Variants in USP15 observed in about 807,000 individuals in gnomAD.
The protein encoded by USP15 is ubiquitin carboxyl-terminal hydrolase 15.
Under a neutral mutation model 127.1 loss-of-function variants are expected in USP15, and 18 were observed. That is an observed-to-expected ratio of 0.14 (90% CI 0.10 to 0.21). The LOEUF is 0.21. Among genes scored for constraint, USP15 ranks in the 10% least tolerant of loss-of-function variants. The pLI is 1.00. For missense variants in USP15, 805 were observed against 1,159.9 expected (o/e 0.69, Z 4.44); for synonymous variants, 364 against 393.7 (o/e 0.92, Z 0.89).
intron 3 of USP15, among the ~76,000 whole-genome samples, chr12:62,309,032 T>A (rs2064573856): frequency 6.6e-6 from 1 of 152,130 alleles, no homozygotes; most frequent in African/African-American, 2.4e-5. Flanking sequence ...TGAAAATCTA[T>A]TGTCTCAACA....
intron 2 of USP15, among the ~76,000 whole-genome samples, chr12:62,299,349 G>T (rs1426259701): frequency 6.6e-6 from 1 of 152,138 alleles, no homozygotes; most frequent in African/African-American, 2.4e-5. Context: ...GACCTCAGGT[G>T]ATCCATCCGC....
intron 8 of USP15, among the ~76,000 whole-genome samples, chr12:62,359,167 A>C (rs1343491600): frequency 6.6e-6 from 1 of 151,582 alleles, no homozygotes. Context: ...TTTACTTTCC[A>C]CAATGGCCCC....
rs984417713 is a variant in USP15 at position 62,407,948 on chromosome 12, A to G, written c.*3573A>G. The G allele has an allele frequency of 1.3e-5, 2 of 152,150 alleles. No homozygotes were observed. Among genetic ancestry groups the G allele is most frequent in the African/African-American group, 4.8e-5 (2 of 41,414 alleles). The allele number at this position is 152,150 out of a possible 1,614,324, so 9.4% of individuals were successfully genotyped here. ...ATCTTGCTTTCTCATAATCTGTGTT[A>G]TTTTAGTAGTCCTGTATTTATCCTT... On this transcript the variant is annotated 3_prime_UTR_variant, in exon 22 of 22. Transcript: ENST00000280377.
At chr12:62,266,666 T>C (rs979895126) in intron 1 of USP15, among the ~76,000 whole-genome samples, 1 of 152,024 alleles carries the variant, frequency 6.6e-6, no homozygotes, top group Non-Finnish European at 1.5e-5. Context: ...AAGGGGAAGA[T>C]AGAGAACAAC....
intron 3 of USP15, among the ~76,000 whole-genome samples, chr12:62,307,292 A>G (rs1047226380): frequency 6.6e-6 from 1 of 152,228 alleles, no homozygotes; most frequent in Non-Finnish European, 1.5e-5. Context: ...AGGATGACTC[A>G]GAGAACAGAA....
Position 62,331,873 on chromosome 12 carries a change from A to G in USP15, c.683+5940A>G, listed in dbSNP as rs574464457. On this transcript the variant is annotated intron_variant, in intron 6 of 21. Coordinates refer to ENST00000280377, the MANE Select transcript of USP15 (RefSeq NM_001252078.2). ...AACCTACCCAAAAAATACTCACTCA[A>G]AAGTCTTCTGTTCAAGCACAGTGGC... 4.2e-4 allele frequency among the ~76,000 whole-genome samples: 64 copies of G among 152,292 alleles called. 2 individuals are homozygous for G. The South Asian group carries it at 6.8e-3, about 16-fold the overall frequency.
chr12:62,321,159 A>G (rs1386038879), intron 4 of USP15, among the ~76,000 whole-genome samples: 1 of 152,150 alleles, frequency 6.6e-6, no homozygotes, highest in African/African-American at 2.4e-5. Context: ...TTTGAATTAT[A>G]GTATGTTAAA....
At chr12:62,276,535 C>G (rs547739248) in intron 1 of USP15, among the ~76,000 whole-genome samples, 1 of 151,970 alleles carries the variant, frequency 6.6e-6, no homozygotes, top group South Asian at 2.1e-4. Context: ...CCTTTATGTG[C>G]TTTTCCTTTT....
At chr12:62,313,316 A>G (rs1390563743) in intron 3 of USP15, among the ~76,000 whole-genome samples, 1 of 151,642 alleles carries the variant, frequency 6.6e-6, no homozygotes, top group Non-Finnish European at 1.5e-5. Context: ...AACTATGCCT[A>G]TTTAGAAAGT....
At chr12:62,269,103 A>G (rs960281879) in intron 1 of USP15, among the ~76,000 whole-genome samples, 2 of 152,126 alleles carry the variant, frequency 1.3e-5, no homozygotes, top group East Asian at 1.9e-4. Context: ...CTGCTGAATG[A>G]TACAGTCATG....
intron 1 of USP15, among the ~76,000 whole-genome samples, chr12:62,272,047 G>A (rs909157812): frequency 6.6e-6 from 1 of 150,542 alleles, no homozygotes; most frequent in African/African-American, 2.4e-5. Flanking sequence ...TTAGTTTGTG[G>A]TACTTAAAAA....
chr12:62,330,503 T>G (rs1246815158), intron 6 of USP15, among the ~76,000 whole-genome samples: 1 of 151,404 alleles, frequency 6.6e-6, no homozygotes, highest in Non-Finnish European at 1.5e-5. Context: ...GGAGAATTGC[T>G]TGAACCCAGG....
At chr12:62,332,501 A>G (rs909221958) in intron 6 of USP15, among the ~76,000 whole-genome samples, 1 of 152,050 alleles carries the variant, frequency 6.6e-6, no homozygotes, top group Non-Finnish European at 1.5e-5. Context: ...CTAAAAAATG[A>G]TTTTACAGTG....
At chr12:62,272,190 A>T (rs1408327338) in intron 1 of USP15, among the ~76,000 whole-genome samples, 1 of 151,924 alleles carries the variant, frequency 6.6e-6, no homozygotes, top group African/African-American at 2.4e-5. Context: ...TAAGAGAATT[A>T]GTCATAAGAG....
intron 6 of USP15, among the ~76,000 whole-genome samples, chr12:62,327,374 G>C (rs2137307746): frequency 6.6e-6 from 1 of 152,190 alleles, no homozygotes. Context: ...TTAAAAGCAT[G>C]TGGGTTGAAT....
chr12:62,311,257 G>T (rs761781166), intron 3 of USP15, among the ~76,000 whole-genome samples: 4 of 151,814 alleles, frequency 2.6e-5, no homozygotes, highest in Non-Finnish European at 5.9e-5. Context: ...TTTCTATACT[G>T]AAAATTGTGA....
At chr12:62,328,297 G>A (rs2065190811) in intron 6 of USP15, 1 of 453,628 alleles carries the variant, frequency 2.2e-6, no homozygotes, top group Admixed American at 2.4e-5. Flanking sequence ...TTTCAGCTTT[G>A]TGGGCCATAT....
intron 6 of USP15, chr12:62,335,993 G>A: frequency 1.0e-6 from 1 of 984,864 alleles, no homozygotes; most frequent in Non-Finnish European, 1.2e-6. Context: ...ATTGTGCACA[G>A]CTCTAGGAGG....
rs1267543773 is a variant in USP15, at chr12:62,414,829, A to G, written c.*10454A>G. 2 of 151,976 alleles carry G rather than the reference A, an allele frequency of 1.3e-5. No homozygotes were observed. Among genetic ancestry groups the G allele is most frequent in the African/African-American group, 4.8e-5 (2 of 41,382 alleles). 9.4% of individuals were successfully genotyped at this position (151,976 alleles called of 1,614,324 possible). On this transcript the variant is annotated 3_prime_UTR_variant, in exon 22 of 22. Transcript: ENST00000280377. Reference sequence around the variant, plus strand: ...CTTCATGGTTTCATTTAAAAAAAAAAAAAATGAGATCCTGTTTCTGTCTTA... The same window carrying G: ...CTTCATGGTTTCATTTAAAAAAAAAGAAAATGAGATCCTGTTTCTGTCTTA...
Sources: allele counts gnomAD v4.1 joint callset (sites outside exome capture counted in the v4.1 genomes callset), GRCh38; gene constraint gnomAD v4.1.1; transcripts MANE v1.5; gene names NCBI Gene and HGNC (gene_info 2026-07-23, HGNC 2026-07-21).